Variants in ARHGAP20 observed in about 807,000 individuals in gnomAD.
ARHGAP20 encodes rho GTPase-activating protein 20.
Under a neutral mutation model 73.7 loss-of-function variants are expected in ARHGAP20, and 34 were observed. The ratio of observed to expected loss-of-function variants is 0.46; its 90% CI spans 0.35 to 0.61. ARHGAP20 has a LOEUF of 0.61. Among genes scored for constraint, ARHGAP20 ranks in the 20% least tolerant of loss-of-function variants. The pLI is 0.00. For synonymous variants in ARHGAP20, 523 were observed against 518.2 expected (o/e 1.01, Z -0.13); for missense variants, 1,314 against 1,420.9 (o/e 0.92, Z 1.21).
intron 2 of ARHGAP20, among the ~76,000 whole-genome samples, chr11:110,639,609 T>C (rs1424416660): frequency 2.6e-5 from 4 of 151,886 alleles, no homozygotes; most frequent in Admixed American, 1.3e-4. Context: ...CATTCCCCAT[T>C]CCCCCTAGTC....
At chr11:110,656,830 C>T (rs1949478284) in intron 2 of ARHGAP20, among the ~76,000 whole-genome samples, 2 of 152,202 alleles carry the variant, frequency 1.3e-5, no homozygotes, top group East Asian at 1.9e-4. Flanking sequence ...AATGTCAACT[C>T]TGTGTTCTGG....
chr11:110,675,637 A>G (rs1949914948), intron 2 of ARHGAP20, among the ~76,000 whole-genome samples: 1 of 152,070 alleles, frequency 6.6e-6, no homozygotes. Context: ...TCCTAGGAGA[A>G]TCTAGGTGGT....
chr11:110,688,030 C>T (rs1331659737), intron 2 of ARHGAP20, among the ~76,000 whole-genome samples: 6 of 152,042 alleles, frequency 3.9e-5, no homozygotes, highest in Non-Finnish European at 7.4e-5. Context: ...TATAAAAATA[C>T]TTTGTGCTTA....
chr11:110,676,503 A>T (rs1240594333), intron 2 of ARHGAP20, among the ~76,000 whole-genome samples: 1 of 152,010 alleles, frequency 6.6e-6, no homozygotes, highest in Non-Finnish European at 1.5e-5. Flanking sequence ...ATCAGATCTC[A>T]TGAGAACTCA....
At chr11:110,587,722 T>C (rs1236077310) in intron 11 of ARHGAP20, among the ~76,000 whole-genome samples, 1 of 152,092 alleles carries the variant, frequency 6.6e-6, no homozygotes, top group African/African-American at 2.4e-5. Flanking sequence ...TTTAAGATAA[T>C]TTGAAAAGCC....
At chr11:110,619,691 A>G (rs559867790) in intron 4 of ARHGAP20, among the ~76,000 whole-genome samples, 28 of 148,144 alleles carry the variant, frequency 1.9e-4, no homozygotes, top group African/African-American at 6.9e-4. Flanking sequence ...GAGTATATGT[A>G]GTGATAGAGT....
chr11:110,615,660 G>T, intron 4 of ARHGAP20, 66 bp from the exon 5 acceptor site: 1 of 1,415,564 alleles, frequency 7.1e-7, no homozygotes, highest in South Asian at 1.2e-5. Context: ...ACAGATTTAG[G>T]ATTGTCAATC....
In ARHGAP20 at chr11:110,614,631, T is replaced by G; in HGVS notation, c.560A>C (p.Glu187Ala). 1 of 1,611,958 alleles carries G rather than the reference T, an allele frequency of 6.2e-7. No homozygotes were observed. The highest frequency in any genetic ancestry group is 8.5e-7 in the Non-Finnish European group (1 of 1,179,016). The change falls in exon 6 of 15, where the codon GAG (glutamate) becomes GCG (alanine). Residue 187 changes from glutamate (E) to alanine (A), a missense_variant. Physicochemically the swap from Glu to Ala is moderately radical, Grantham distance 107. This residue lies in a region of ARHGAP20 where 443 missense variants were observed against 466.4 expected (regional missense o/e 0.95). Transcript: ENST00000683387. ...LSLLQRYINL[E>A]KEKDYPKSIP... Reference sequence around the variant, plus strand: ...GCTCTTCGGGTAGTCCTTTTCTTTCTCTAGATTGATGTATCTAATCAAATG... The same window carrying G: ...GCTCTTCGGGTAGTCCTTTTCTTTCGCTAGATTGATGTATCTAATCAAATG...
chr11:110,641,618 C>G (rs1257380217), intron 2 of ARHGAP20, among the ~76,000 whole-genome samples: 3 of 152,060 alleles, frequency 2.0e-5, no homozygotes, highest in South Asian at 4.1e-4. Context: ...TTTCTTCCCC[C>G]CCAACCCTCA....
chr11:110,672,207 T>C (rs776116199), intron 2 of ARHGAP20, among the ~76,000 whole-genome samples: 14 of 152,162 alleles, frequency 9.2e-5, no homozygotes, highest in Non-Finnish European at 1.5e-4. Context: ...CTAAAAGTAC[T>C]GTTAAGAAAA....
chr11:110,597,646 T>G (rs1948003710), intron 9 of ARHGAP20, among the ~76,000 whole-genome samples: 1 of 152,226 alleles, frequency 6.6e-6, no homozygotes, highest in Non-Finnish European at 1.5e-5. Flanking sequence ...TATTTGATTT[T>G]TTAGCTTTCA....
intron 2 of ARHGAP20, among the ~76,000 whole-genome samples, chr11:110,664,643 G>A (rs1227013465): frequency 6.6e-6 from 1 of 150,982 alleles, no homozygotes; most frequent in African/African-American, 2.4e-5. Flanking sequence ...CAGGAGAATG[G>A]CGTGAACCCG....
rs374000371 is a variant in ARHGAP20 at position 110,609,149 on chromosome 11, C to T, written c.709-99G>A. On this transcript the variant is annotated intron_variant, in intron 7 of 14. Transcript: ENST00000683387. ...TTTTGGTTATGTGTCCTCCCTCCTG[C>T]CCCCTACCCAGTGATAGTTAGAGAT... 43 of 974,480 alleles carry T rather than the reference C, an allele frequency of 4.4e-5. No homozygotes were observed. In the African/African-American group the frequency reaches 5.5e-4, roughly 13 times the overall value. 60.4% of individuals were successfully genotyped at this position (974,480 alleles called of 1,614,324 possible).
At chr11:110,683,574 T>G (rs149044938) in intron 2 of ARHGAP20, among the ~76,000 whole-genome samples, 13 of 152,290 alleles carry the variant, frequency 8.5e-5, no homozygotes, top group African/African-American at 2.6e-4. Flanking sequence ...AATAAATGTG[T>G]GCTAGGACAT....
At chr11:110,707,865 T>G (rs1403821221) in intron 1 of ARHGAP20, among the ~76,000 whole-genome samples, 1 of 80,694 alleles carries the variant, frequency 1.2e-5, no homozygotes, top group South Asian at 4.5e-4. Flanking sequence ...ATTTTTTTGT[T>G]TTTTTTTTTG....
rs1374154847 is a variant in ARHGAP20, at chr11:110,577,159, G to A, written c.*2211C>T. 1.8e-5 allele frequency: 27 copies of A among 1,534,230 alleles called. No homozygotes were observed. Among genetic ancestry groups the A allele is most frequent in the Non-Finnish European group, 2.4e-5 (27 of 1,146,094 alleles). ...TAAAAGTTAGCAGCAGTTTCTGCAAGTACAAAAATACACATTTATTACATA... is the reference window on the plus strand; with the variant it reads ...TAAAAGTTAGCAGCAGTTTCTGCAAATACAAAAATACACATTTATTACATA... On this transcript the variant is annotated 3_prime_UTR_variant, in exon 15 of 15. Transcript: ENST00000683387.
rs749293131 is a variant in ARHGAP20, at chr11:110,614,638, T to G, written c.553A>C (p.Asn185His). 6.2e-7 allele frequency: 1 copy of G among 1,609,646 alleles called. No individual in the cohort carries two copies. Among genetic ancestry groups the G allele is most frequent in the Admixed American group, 1.7e-5 (1 of 58,944 alleles). Residue 185 changes from asparagine to histidine, a missense_variant, in exon 6 of 15, where the codon AAT becomes CAT. Asn to His is a moderately conservative substitution (Grantham distance 68, BLOSUM62 1). Transcript: ENST00000683387. Reference sequence around the variant, plus strand: ...GGGTAGTCCTTTTCTTTCTCTAGATTGATGTATCTAATCAAATGCAACAGC... The same window carrying G: ...GGGTAGTCCTTTTCTTTCTCTAGATGGATGTATCTAATCAAATGCAACAGC... The part of the protein sequence containing the change: ...KWLSLLQRYI[N>H]LEKEKDYPKS...
intron 4 of ARHGAP20, among the ~76,000 whole-genome samples, chr11:110,619,713 T>C (rs2134918353): frequency 6.6e-6 from 1 of 151,876 alleles, no homozygotes; most frequent in South Asian, 2.1e-4. Flanking sequence ...TATACAGTGA[T>C]AGAGTATATG....
At chr11:110,681,121 C>T (rs4938696) in intron 2 of ARHGAP20, among the ~76,000 whole-genome samples, 1 of 152,166 alleles carries the variant, frequency 6.6e-6, no homozygotes, top group Non-Finnish European at 1.5e-5. Context: ...TTGTCCAAAA[C>T]TGTAGGAATG....
Sources: allele counts gnomAD v4.1 joint callset (sites outside exome capture counted in the v4.1 genomes callset), GRCh38; gene constraint gnomAD v4.1.1; regional missense constraint gnomAD v4.1.1; transcripts MANE v1.5; gene names NCBI Gene and HGNC (gene_info 2026-07-23, HGNC 2026-07-21).